MEGF10: variants seen among roughly 807,000 people sequenced by gnomAD.
MEGF10 encodes the protein multiple epidermal growth factor-like domains protein 10.
In MEGF10, 86 loss-of-function variants were observed where a neutral mutation model predicts 147.5. That is an observed-to-expected ratio of 0.58 (90% CI 0.49 to 0.70). MEGF10 has a LOEUF of 0.70. MEGF10 is among the 30% of genes least tolerant of loss of function. The pLI is 0.00. For missense variants in MEGF10, 1,329 were observed against 1,487.3 expected (o/e 0.89, Z 1.75); for synonymous variants, 478 against 525.5 (o/e 0.91, Z 1.24).
chr5:127,415,839 G>A (rs1467664777), intron 9 of MEGF10, among the ~76,000 whole-genome samples: 20 of 145,988 alleles, frequency 1.4e-4, no homozygotes, highest in African/African-American at 5.1e-4. Context: ...GGAGATTGTA[G>A]TGAGCTGAGA....
the MEGF10 span, among the ~76,000 whole-genome samples, chr5:127,265,192 T>C: frequency 1.3e-5 from 2 of 152,332 alleles, no homozygotes; most frequent in Admixed American, 1.3e-4. Flanking sequence ...CTTGAGATAG[T>C]TTGCTGAGAA....
the MEGF10 span, among the ~76,000 whole-genome samples, chr5:127,269,465 C>G: frequency 0.05 from 7,642 of 152,212 alleles, 321 homozygotes; most frequent in African/African-American, 0.11. Context: ...TAGCCGATTT[C>G]ATCAACTGGA....
intron 5 of MEGF10, among the ~76,000 whole-genome samples, chr5:127,391,084 ACATGCGCG>A (rs748292963): frequency 2.1e-5 from 2 of 93,542 alleles, no homozygotes; most frequent in East Asian, 2.5e-4. Context: ...ATACATACAC[ACATGCGCG>A]CGCGCGCGCG....
chr5:127,247,900 G>C, the MEGF10 span, among the ~76,000 whole-genome samples: 33 of 152,192 alleles, frequency 2.2e-4, no homozygotes, highest in Admixed American at 7.9e-4. Flanking sequence ...AGTCTGTGTA[G>C]ATATTCTTCT....
chr5:127,349,179 C>T (rs568949529), intron 4 of MEGF10, among the ~76,000 whole-genome samples: 13 of 152,130 alleles, frequency 8.5e-5, no homozygotes, highest in South Asian at 6.2e-4. Context: ...AAAATATGAA[C>T]GCTATAGATT....
chr5:127,239,427 G>C, the MEGF10 span, among the ~76,000 whole-genome samples: 2 of 135,230 alleles, frequency 1.5e-5, no homozygotes, highest in African/African-American at 5.8e-5. Flanking sequence ...GGGAGAGAGA[G>C]AATAAACACA....
the MEGF10 span, among the ~76,000 whole-genome samples, chr5:127,256,551 C>G: frequency 6.6e-6 from 1 of 152,098 alleles, no homozygotes; most frequent in African/African-American, 2.4e-5. Context: ...TCATAAATCC[C>G]CACTTGTTCT....
intron 5 of MEGF10, among the ~76,000 whole-genome samples, chr5:127,388,521 ATTT>A: frequency 4.5e-5 from 1 of 22,350 alleles, no homozygotes; most frequent in Non-Finnish European, 2.2e-4. Context: ...TTTTCTTTTT[ATTT>A]ATTTATTTAT....
At chr5:127,337,388 T>G (rs1761510465) in intron 2 of MEGF10, among the ~76,000 whole-genome samples, 1 of 152,100 alleles carries the variant, frequency 6.6e-6, no homozygotes, top group Non-Finnish European at 1.5e-5. Context: ...ATAGTTATAT[T>G]CCTCTCAAGG....
At chr5:127,452,978 T>C (rs535785291) in intron 22 of MEGF10, among the ~76,000 whole-genome samples, 1 of 152,280 alleles carries the variant, frequency 6.6e-6, no homozygotes, top group South Asian at 2.1e-4. Flanking sequence ...CCACGATGAT[T>C]GATATCTGAC....
chr5:127,379,591 CTTCT>C (rs1561606267), intron 5 of MEGF10, among the ~76,000 whole-genome samples: 1 of 139,962 alleles, frequency 7.1e-6, no homozygotes, highest in African/African-American at 2.7e-5. Flanking sequence ...ATATGGCCAG[CTTCT>C]TTTTTTTTTT....
At chr5:127,395,047 G>C (rs1360176883) in intron 5 of MEGF10, among the ~76,000 whole-genome samples, 2 of 152,168 alleles carry the variant, frequency 1.3e-5, no homozygotes, top group Non-Finnish European at 2.9e-5. Flanking sequence ...ATCTGTTGAA[G>C]TTACAAAATT....
intron 4 of MEGF10, among the ~76,000 whole-genome samples, chr5:127,364,671 A>C (rs995998349): frequency 6.6e-6 from 1 of 152,252 alleles, no homozygotes; most frequent in African/African-American, 2.4e-5. Context: ...AGGACTTTGC[A>C]TGTAATTGTC....
chr5:127,419,860 C>T (rs1429929275), intron 11 of MEGF10, among the ~76,000 whole-genome samples, 184 bp from the exon 12 acceptor site: 2 of 152,166 alleles, frequency 1.3e-5, no homozygotes, highest in South Asian at 2.1e-4. Flanking sequence ...CTGTTTGGGT[C>T]GTCAGGGGTG....
intron 5 of MEGF10, among the ~76,000 whole-genome samples, chr5:127,380,369 A>G (rs575921654): frequency 5.7e-4 from 87 of 152,304 alleles, no homozygotes; most frequent in South Asian, 5.6e-3. Context: ...AAGCATCCGA[A>G]GCAGCCAGGG....
rs116500162 is a variant in MEGF10, at chr5:127,445,619, G to A, written c.2654G>A (p.Gly885Glu). 3.9e-4 allele frequency: 628 copies of A among 1,614,066 alleles called. No individual in the cohort carries two copies. In the African/African-American group the frequency reaches 7.2e-3, roughly 18 times the overall value. The change falls in exon 20 of 25, where the codon GGA becomes GAA. Residue 885 changes from glycine (G) to glutamate (E), a missense_variant. Gly to Glu is a moderately conservative substitution (Grantham distance 98). This residue lies in a region of MEGF10 where 343 missense variants were observed against 377.9 expected (regional missense o/e 0.91). Transcript: ENST00000503335. ...LFIIYRHKQKGKESSMPAVTY... is the reference protein window; with the variant it reads ...LFIIYRHKQKEKESSMPAVTY... The stretch of plus-strand genomic sequence containing the variant: ...ATTATTTATAGACACAAGCAGAAGG[G>A]AAAGGAATCAAGCATGCCAGCAGTT...
intron 1 of MEGF10, among the ~76,000 whole-genome samples, chr5:127,308,624 A>T (rs1437920791): frequency 2.0e-5 from 3 of 152,250 alleles, no homozygotes; most frequent in Non-Finnish European, 4.4e-5. Flanking sequence ...CGAAAAACCA[A>T]ACACTGCATG....
intron 13 of MEGF10, among the ~76,000 whole-genome samples, chr5:127,426,579 A>T (rs931561310): frequency 2.0e-5 from 3 of 148,998 alleles, no homozygotes; most frequent in Admixed American, 1.3e-4. Flanking sequence ...ACACACACAC[A>T]CTCTCTCTCT....
chr5:127,396,284 A>G (rs746572408), intron 5 of MEGF10, among the ~76,000 whole-genome samples: 2 of 152,204 alleles, frequency 1.3e-5, no homozygotes, highest in Non-Finnish European at 2.9e-5. Flanking sequence ...GAGTAAAGGC[A>G]TGGAGACTTT....
Sources: gnomAD v4.1 joint callset for allele counts (sites outside exome capture counted in the v4.1 genomes callset) on GRCh38, gnomAD v4.1.1 for gene constraint, gnomAD v4.1.1 regional missense constraint, MANE v1.5 for transcripts, NCBI Gene and HGNC (gene_info 2026-07-23, HGNC 2026-07-21) for gene names.